The following CNTNAP3 variants were observed in gnomAD, a reference collection of about 807,000 sequenced individuals.
The protein encoded by CNTNAP3 is contactin-associated protein-like 3.
Under a neutral mutation model 92.1 loss-of-function variants are expected in CNTNAP3, and 36 were observed. That is an observed-to-expected ratio of 0.39 (90% CI 0.30 to 0.52). The LOEUF (loss-of-function observed/expected upper bound fraction) is 0.52, where lower values mean the gene tolerates loss of function less well. Ranked by LOEUF, CNTNAP3 falls within the 20% of genes least tolerant of loss-of-function variation. CNTNAP3 has a pLI of 0.76. For synonymous variants in CNTNAP3, 232 were observed against 422.3 expected (o/e 0.55, Z 5.53); for missense variants, 534 against 1,069.6 (o/e 0.50, Z 6.98).
chr9:39,070,767 A>G lies in CNTNAP3; in HGVS notation c.*3123T>C, dbSNP rs1825619828. Among the ~76,000 whole-genome samples the G allele has an allele frequency of 6.6e-6, 1 of 152,288 alleles. No individual in the cohort carries two copies. Among genetic ancestry groups the G allele is most frequent in the South Asian group, 2.1e-4 (1 of 4,836 alleles). On this transcript the variant is annotated 3_prime_UTR_variant, in exon 24 of 24. Transcript: ENST00000297668. ...TATTTCACAGTGCATGCCTGTATCA[A>G]AACATTTCATGTACTCCATAAATAT...
intron 16 of CNTNAP3, 24 bp downstream of exon 16, chr9:39,103,720 A>G (rs1826523991): frequency 6.2e-7 from 1 of 1,604,654 alleles, no homozygotes; most frequent in Admixed American, 1.7e-5. Flanking sequence ...GTACCCTGTG[A>G]CTTGTCCAGA....
chr9:39,137,568 A>G (rs1367317378), intron 12 of CNTNAP3, among the ~76,000 whole-genome samples: 1 of 152,038 alleles, frequency 6.6e-6, no homozygotes, highest in Non-Finnish European at 1.5e-5. Context: ...GCTGGAGTTC[A>G]GTGGCATGAT....
At chr9:39,136,036 G>A (rs1372462625) in intron 12 of CNTNAP3, among the ~76,000 whole-genome samples, 1 of 151,832 alleles carries the variant, frequency 6.6e-6, no homozygotes, top group Non-Finnish European at 1.5e-5. Flanking sequence ...GGCCGAGGCA[G>A]AAGAATCGCT....
rs989688934 is a variant in CNTNAP3 at position 39,152,523 on chromosome 9, G to A, written c.1478-2546C>T. On this transcript the variant is annotated intron_variant, in intron 9 of 23. Transcript: ENST00000297668. ...AATTCTGCATCTCACTAATCATTAA[G>A]AAATAAACACATTAAGTTAAGAATT... 2.7e-5 allele frequency among the ~76,000 whole-genome samples: 4 copies of A among 147,044 alleles called. 1 individual carries two copies. Among genetic ancestry groups the A allele is most frequent in the African/African-American group, 1.0e-4 (4 of 38,938 alleles).
intron 21 of CNTNAP3, among the ~76,000 whole-genome samples, chr9:39,084,061 T>C (rs1296555842): frequency 4.6e-5 from 7 of 152,032 alleles, no homozygotes; most frequent in Admixed American, 2.0e-4. Flanking sequence ...ATGAGCATTA[T>C]TTTATTAGAA....
intron 22 of CNTNAP3, 32 bp from the exon 23 acceptor site, chr9:39,078,488 T>C (rs1196466926): frequency 1.2e-6 from 2 of 1,612,090 alleles, no homozygotes; most frequent in South Asian, 1.1e-5. Context: ...TGATGTTTAT[T>C]AGCTTGATTT....
chr9:39,088,986 A>T (rs1826130688), intron 18 of CNTNAP3, among the ~76,000 whole-genome samples: 2 of 152,264 alleles, frequency 1.3e-5, no homozygotes, highest in Admixed American at 6.5e-5. Flanking sequence ...TTGGTTTCCA[A>T]TTTTTTCCCA....
chr9:39,104,010 A>T, intron 15 of CNTNAP3, 96 bp from the exon 16 acceptor site: 1 of 1,503,304 alleles, frequency 6.7e-7, no homozygotes. Flanking sequence ...TGCTAAATAC[A>T]TTAATAGAAT....
rs1758272 is a variant in CNTNAP3 at position 39,133,130 on chromosome 9, C to A, written c.1882G>T (p.Ala628Ser). Reference sequence around the variant, plus strand: ...CCGTGCTGCACCACCGTCCACGCGGCGTCTGCTGAGCAGAAACGGGCAAAG... The same window carrying A: ...CCGTGCTGCACCACCGTCCACGCGGAGTCTGCTGAGCAGAAACGGGCAAAG... ...FLVYCNMTAD[A>S]AWTVVQHGGP... The change falls in exon 13 of 24, where the codon GCC becomes TCC. Residue 628 changes from alanine to serine, a missense_variant. By Grantham distance (99) the Ala-to-Ser change is moderately conservative (BLOSUM62 1). Transcript: ENST00000297668. 9 of 1,572,246 alleles carry A rather than the reference C, an allele frequency of 5.7e-6. No homozygotes were observed. Among genetic ancestry groups the A allele is most frequent in the Non-Finnish European group, 6.9e-6 (8 of 1,164,530 alleles).
intron 13 of CNTNAP3, among the ~76,000 whole-genome samples, chr9:39,124,291 A>G (rs949872628): frequency 9.9e-5 from 15 of 152,204 alleles, no homozygotes; most frequent in African/African-American, 3.4e-4. Context: ...TGTAATTAAT[A>G]TTCTAGGAGA....
In CNTNAP3 at chr9:39,067,625, C is replaced by T. The variant is rs1298252357; in HGVS notation, c.*6265G>A. 1.3e-5 allele frequency among the ~76,000 whole-genome samples: 2 copies of T among 152,412 alleles called. No individual in the cohort carries two copies. Among genetic ancestry groups the T allele is most frequent in the East Asian group, 1.9e-4 (1 of 5,196 alleles). ...TGTTAGCAGGATGGTCTCCATCTCC[C>T]GACCTCGTGATCTGCCTGCCTCGAC... On this transcript the variant is annotated 3_prime_UTR_variant, in exon 24 of 24. Coordinates refer to ENST00000297668, the MANE Select transcript of CNTNAP3 (RefSeq NM_033655.5).
At chr9:39,137,131 G>T (rs561248268) in intron 12 of CNTNAP3, among the ~76,000 whole-genome samples, 5,603 of 151,216 alleles carry the variant, frequency 0.037, 146 homozygotes, top group Non-Finnish European at 0.059. Context: ...TACACCTTTT[G>T]TAGTTGTGCC....
Position 39,086,869 on chromosome 9 carries a change from G to A in CNTNAP3, c.3221-20C>T, listed in dbSNP as rs1306679879. Reference sequence around the variant, plus strand: ...AACTTCCTAAAAAGAAAAATAAATGGCATTTAAAATTAAAGTGGTATTTTA... The same window carrying A: ...AACTTCCTAAAAAGAAAAATAAATGACATTTAAAATTAAAGTGGTATTTTA... On this transcript the variant is annotated intron_variant, in intron 19 of 23. Coordinates refer to ENST00000297668, the MANE Select transcript of CNTNAP3 (RefSeq NM_033655.5). The A allele has an allele frequency of 2.1e-5, 33 of 1,574,292 alleles. 1 individual carries two copies. In the East Asian group the frequency reaches 6.6e-4, roughly 31 times the overall value.
At chr9:39,127,078 A>T (rs1222488460) in intron 13 of CNTNAP3, among the ~76,000 whole-genome samples, 2 of 152,284 alleles carry the variant, frequency 1.3e-5, no homozygotes, top group East Asian at 3.9e-4. Flanking sequence ...GCATAATGGA[A>T]TCAAACTGGA....
intron 14 of CNTNAP3, among the ~76,000 whole-genome samples, chr9:39,114,013 CACAT>C (rs1243579837): frequency 3.4e-5 from 5 of 148,106 alleles, no homozygotes; most frequent in Admixed American, 3.3e-4. Context: ...TATATATACA[CACAT>C]ATATATACAC....
In CNTNAP3 at chr9:39,149,955, G is replaced by T; in HGVS notation, c.1500C>A (p.Gly500=). The change falls in exon 10 of 24, where the codon GGC becomes GGA. Residue 500 remains glycine (G), a synonymous_variant. Coordinates refer to ENST00000297668, the MANE Select transcript of CNTNAP3 (RefSeq NM_033655.5). ...YFGGCLDNSS[G]SGCKSPLGGF... ...CTCCCAGGGGGCTTTTACATCCAGA[G>T]CCAGAGCTGTTGTCCAGGCAGCCTA... 4 of 1,611,928 alleles carry T rather than the reference G, an allele frequency of 2.5e-6. No homozygotes were observed. Among genetic ancestry groups the T allele is most frequent in the Non-Finnish European group, 3.4e-6 (4 of 1,179,804 alleles).
chr9:39,095,322 T>C (rs1214273997), intron 18 of CNTNAP3, among the ~76,000 whole-genome samples: 1 of 151,756 alleles, frequency 6.6e-6, no homozygotes, highest in African/African-American at 2.4e-5. Context: ...CTATTTCTTC[T>C]TCTTGCTTAA....
In CNTNAP3 at chr9:39,071,433, G is replaced by A. The variant is rs911788434; in HGVS notation, c.*2457C>T. Among the ~76,000 whole-genome samples the A allele has an allele frequency of 6.6e-6, 1 of 151,744 alleles. No individual in the cohort carries two copies. The highest frequency in any genetic ancestry group is 2.4e-5 in the African/African-American group (1 of 41,244). ...CAGAGATAAGCCTTCAATGTCACATGAACCACTCTATTTTTAATATTAGAA... is the reference window on the plus strand; with the variant it reads ...CAGAGATAAGCCTTCAATGTCACATAAACCACTCTATTTTTAATATTAGAA... On this transcript the variant is annotated 3_prime_UTR_variant, in exon 24 of 24. Transcript: ENST00000297668.
intron 21 of CNTNAP3, chr9:39,085,407 T>C (rs1223267699): frequency 1.5e-5 from 5 of 336,918 alleles, no homozygotes; most frequent in African/African-American, 1.1e-4. Flanking sequence ...TGTTGATTAA[T>C]ACATACATAA....
Sources: gnomAD v4.1 joint callset for allele counts (sites outside exome capture counted in the v4.1 genomes callset) on GRCh38, gnomAD v4.1.1 for gene constraint, MANE v1.5 for transcripts, NCBI Gene and HGNC (gene_info 2026-07-23, HGNC 2026-07-21) for gene names.